The following SNX29 variants were observed in gnomAD, a reference collection of about 807,000 sequenced individuals.
SNX29 encodes the protein sorting nexin-29.
In SNX29, 78 loss-of-function variants were observed where a neutral mutation model predicts 102.1. The ratio of observed to expected loss-of-function variants is 0.76; its 90% CI spans 0.64 to 0.92. The LOEUF (loss-of-function observed/expected upper bound fraction) is 0.92, where lower values mean the gene tolerates loss of function less well. Among genes scored for constraint, SNX29 ranks in the 40% least tolerant of loss-of-function variants. The pLI is 0.00. For synonymous variants in SNX29, 580 were observed against 414.5 expected (o/e 1.40, Z -4.85); for missense variants, 1,280 against 1,061.7 (o/e 1.21, Z -2.86).
At position 12,477,702 on chromosome 16, in the gene SNX29, T is replaced by G. The variant is rs1172346694; in HGVS notation, c.2038-17T>G. 1 of 1,604,526 alleles carries G rather than the reference T, an allele frequency of 6.2e-7. No individual in the cohort carries two copies. Among genetic ancestry groups the G allele is most frequent in the Non-Finnish European group, 8.5e-7 (1 of 1,177,720 alleles). On this transcript the variant is annotated splice_polypyrimidine_tract_variant and intron_variant, in intron 18 of 20. Coordinates refer to ENST00000566228, the MANE Select transcript of SNX29 (RefSeq NM_032167.5). The stretch of plus-strand genomic sequence containing the variant: ...ATAAGGGTTTAAGAGGAATTCACAT[T>G]TTCTCTTTCTTGACAGGTCTACATC...
chr16:12,406,422 A>G (rs1597264614), intron 18 of SNX29, among the ~76,000 whole-genome samples: 1 of 152,222 alleles, frequency 6.6e-6, no homozygotes, highest in Non-Finnish European at 1.5e-5. Flanking sequence ...CATTCCCGTG[A>G]CAGCCACTGT....
chr16:12,342,469 A>G (rs1425383068), intron 15 of SNX29, among the ~76,000 whole-genome samples: 1 of 152,228 alleles, frequency 6.6e-6, no homozygotes, highest in Non-Finnish European at 1.5e-5. Context: ...CCCAGATTCA[A>G]GCCCTTAAAT....
chr16:12,451,633 G>T (rs1251669864), intron 18 of SNX29, among the ~76,000 whole-genome samples: 1 of 152,226 alleles, frequency 6.6e-6, no homozygotes. Context: ...GGAGGCTGAG[G>T]CGGGTGGACC....
At chr16:12,136,258 C>T (rs547496301) in intron 13 of SNX29, among the ~76,000 whole-genome samples, 5 of 152,376 alleles carry the variant, frequency 3.3e-5, no homozygotes, top group African/African-American at 9.6e-5. Context: ...AACACTCTCC[C>T]TCCTTCCTCC....
chr16:12,572,076 G>C lies in SNX29; in HGVS notation c.*3447G>C, dbSNP rs149222146. ...AAGGGAACCATCTTGCAAGATCTAG[G>C]AAGAGGAAGGGGAGGGATGTGGACT... On this transcript the variant is annotated 3_prime_UTR_variant, in exon 21 of 21. Transcript: ENST00000566228. The C allele has an allele frequency of 1.1e-5, 12 of 1,063,682 alleles. No individual in the cohort carries two copies. The highest frequency in any genetic ancestry group is 1.4e-5 in the Non-Finnish European group (12 of 878,158). The allele number at this position is 1,063,682 out of a possible 1,614,324, so 65.9% of individuals were successfully genotyped here.
At chr16:12,153,525 G>C (rs1049587214) in intron 13 of SNX29, among the ~76,000 whole-genome samples, 1 of 151,296 alleles carries the variant, frequency 6.6e-6, no homozygotes, top group Admixed American at 6.6e-5. Flanking sequence ...CCAGGCTGGA[G>C]TGCAGTGGCA....
At chr16:12,221,470 T>C (rs1332188516) in intron 14 of SNX29, among the ~76,000 whole-genome samples, 1 of 152,084 alleles carries the variant, frequency 6.6e-6, no homozygotes, top group Admixed American at 6.5e-5. Context: ...CAAAATTAGC[T>C]GGGCATGGTG....
chr16:12,235,360 G>T (rs1314664285), intron 14 of SNX29, among the ~76,000 whole-genome samples: 2 of 152,128 alleles, frequency 1.3e-5, no homozygotes, highest in African/African-American at 2.4e-5. Flanking sequence ...GTATGAGGCT[G>T]TCCCCTGGGC....
At chr16:12,567,156 C>G (rs547700924) in intron 20 of SNX29, among the ~76,000 whole-genome samples, 23 of 152,330 alleles carry the variant, frequency 1.5e-4, no homozygotes, top group African/African-American at 5.1e-4. Flanking sequence ...TTGGATACAG[C>G]TGGGGGTGGA....
intron 20 of SNX29, among the ~76,000 whole-genome samples, chr16:12,555,226 G>A (rs114017645): frequency 0.015 from 2,316 of 151,864 alleles, 54 homozygotes; most frequent in African/African-American, 0.052. Flanking sequence ...CTGGGTACAG[G>A]GAGAAATGGA....
At chr16:12,105,925 C>T (rs1432318209) in intron 11 of SNX29, among the ~76,000 whole-genome samples, 3 of 152,154 alleles carry the variant, frequency 2.0e-5, no homozygotes, top group Non-Finnish European at 4.4e-5. Flanking sequence ...CAGCGGTGGG[C>T]GTCCTGGCTG....
At chr16:12,543,105 C>A (rs1005507788) in intron 20 of SNX29, among the ~76,000 whole-genome samples, 1 of 152,180 alleles carries the variant, frequency 6.6e-6, no homozygotes, top group Admixed American at 6.5e-5. Context: ...AAGATGGATC[C>A]TGGCAGCTGC....
At chr16:12,262,862 C>T (rs2078819062) in intron 14 of SNX29, among the ~76,000 whole-genome samples, 1 of 152,224 alleles carries the variant, frequency 6.6e-6, no homozygotes, top group South Asian at 2.1e-4. Context: ...TGTCCAACTC[C>T]AGAACATTTT....
At chr16:11,977,176 C>T in intron 1 of SNX29, 1 of 274,930 alleles carries the variant, frequency 3.6e-6, no homozygotes, top group Non-Finnish European at 6.7e-6. Flanking sequence ...CCGCTGCGTC[C>T]CAGCTCCAGT....
At chr16:12,495,968 A>G (rs546045380) in intron 19 of SNX29, among the ~76,000 whole-genome samples, 1 of 152,294 alleles carries the variant, frequency 6.6e-6, no homozygotes, top group Non-Finnish European at 1.5e-5. Context: ...GAATCTCATG[A>G]ACTCAGGAGG....
At position 12,570,907 on chromosome 16, in the gene SNX29, T is replaced by G. The variant is rs1039552983; in HGVS notation, c.*2278T>G. The G allele has an allele frequency of 4.5e-6, 1 of 224,006 alleles. No homozygotes were observed. Among genetic ancestry groups the G allele is most frequent in the Admixed American group, 5.9e-5 (1 of 17,070 alleles). The allele number at this position is 224,006 out of a possible 1,614,324, so 13.9% of individuals were successfully genotyped here. Reference sequence around the variant, plus strand: ...TGAATTATTCACAAAAAACCTGGTCTGCTCTCCAAAATGAGAGCATGTTCC... The same window carrying G: ...TGAATTATTCACAAAAAACCTGGTCGGCTCTCCAAAATGAGAGCATGTTCC... On this transcript the variant is annotated 3_prime_UTR_variant, in exon 21 of 21. Transcript: ENST00000566228.
In SNX29 at chr16:12,346,139, G is replaced by T. The variant is rs370921189; in HGVS notation, c.1783-10024G>T. The stretch of plus-strand genomic sequence containing the variant: ...TTTTAGAAAGATCATTTGAGCGTCA[G>T]CTGGTGGCGGGGGCAGCAGGGAGGC... On this transcript the variant is annotated intron_variant, in intron 15 of 20. Transcript: ENST00000566228. Among the ~76,000 whole-genome samples the T allele has an allele frequency of 8.5e-5, 13 of 152,116 alleles. 1 individual carries two copies. The highest frequency in any genetic ancestry group is 6.5e-4 in the Admixed American group (10 of 15,272).
At position 12,048,446 on chromosome 16, in the gene SNX29, G is replaced by A. The variant is rs748557407; in HGVS notation, c.574G>A (p.Val192Ile). The change falls in exon 7 of 21, where the codon GTT becomes ATT. Residue 192 changes from valine to isoleucine, a missense_variant. Transcript: ENST00000566228. ...CGGGCAGAGTAAGTTTGCTCCCACC[G>A]TTTCAGACCTCTTAAAGGAGTCAAC... ...LNGQSKFAPT[V>I]SDLLKESTQN... 28 of 1,613,754 alleles carry A rather than the reference G, an allele frequency of 1.7e-5. No homozygotes were observed. Among genetic ancestry groups the A allele is most frequent in the Admixed American group, 1.2e-4 (7 of 59,980 alleles).
rs150658914 is a variant in SNX29 at position 12,468,708 on chromosome 16, C to T, written c.2038-9011C>T. Reference sequence around the variant, plus strand: ...GATAGCCCCAGGGCCCAGCCCGGAGCTTGGTATACAACAGGCCACCTGGTG... The same window carrying T: ...GATAGCCCCAGGGCCCAGCCCGGAGTTTGGTATACAACAGGCCACCTGGTG... On this transcript the variant is annotated intron_variant, in intron 18 of 20. Coordinates refer to ENST00000566228, the MANE Select transcript of SNX29 (RefSeq NM_032167.5). Among the ~76,000 whole-genome samples the T allele has an allele frequency of 4.9e-3, 748 of 152,326 alleles. 7 individuals carry two copies. Among genetic ancestry groups the T allele is most frequent in the African/African-American group, 0.017 (706 of 41,572 alleles).
Sources: allele counts gnomAD v4.1 joint callset (sites outside exome capture counted in the v4.1 genomes callset), GRCh38; gene constraint gnomAD v4.1.1; transcripts MANE v1.5; gene names NCBI Gene and HGNC (gene_info 2026-07-23, HGNC 2026-07-21).